Variants in INPP4B observed in about 807,000 individuals in gnomAD.
INPP4B encodes inositol polyphosphate-4-phosphatase type II B, also known as inositol polyphosphate 4-phosphatase type II.
In INPP4B, 55 loss-of-function variants were observed where a neutral mutation model predicts 122.5. That is an observed-to-expected ratio of 0.45 (90% CI 0.36 to 0.56). The LOEUF (loss-of-function observed/expected upper bound fraction) is 0.56, where lower values mean the gene tolerates loss of function less well. INPP4B is among the 20% of genes least tolerant of loss of function. The pLI, the probability that INPP4B is intolerant of heterozygous loss-of-function variation, is 0.00. For synonymous variants in INPP4B, 403 were observed against 388.7 expected, an observed-to-expected ratio of 1.04 and a Z score of -0.43; for missense variants, 1,000 against 1,097.7, an observed-to-expected ratio of 0.91 and a Z score of 1.26.
intron 1 of INPP4B, among the ~76,000 whole-genome samples, chr4:142,801,202 G>A (rs540668438): frequency 6.6e-5 from 10 of 152,176 alleles, no homozygotes; most frequent in Admixed American, 3.9e-4. Flanking sequence ...AGTAATCTAA[G>A]CAGGAGATGA....
chr4:142,463,808 C>T (rs1183936551), intron 2 of INPP4B, among the ~76,000 whole-genome samples: 1 of 152,156 alleles, frequency 6.6e-6, no homozygotes, highest in South Asian at 2.1e-4. Context: ...TGAAGAAGGA[C>T]ATGTTTGCTT....
intron 2 of INPP4B, among the ~76,000 whole-genome samples, chr4:142,576,420 A>G (rs181147704): frequency 1.3e-5 from 2 of 152,008 alleles, no homozygotes; most frequent in African/African-American, 2.4e-5. Context: ...GTCTTTCTAC[A>G]TTATGACCAA....
At chr4:142,584,714 C>T (rs1735797466) in intron 2 of INPP4B, among the ~76,000 whole-genome samples, 1 of 152,068 alleles carries the variant, frequency 6.6e-6, no homozygotes, top group Non-Finnish European at 1.5e-5. Context: ...TTTCTCTACT[C>T]TAAAGTTATC....
At chr4:142,596,401 G>A (rs540816915) in intron 2 of INPP4B, among the ~76,000 whole-genome samples, 4 of 152,196 alleles carry the variant, frequency 2.6e-5, no homozygotes, top group Non-Finnish European at 4.4e-5. Context: ...GACATATGAA[G>A]AAGCTCAGAA....
At chr4:142,451,217 GA>G (rs940764768) in intron 3 of INPP4B, among the ~76,000 whole-genome samples, 35 of 146,670 alleles carry the variant, frequency 2.4e-4, no homozygotes, top group African/African-American at 8.5e-4. Context: ...ATTGGTGTTT[GA>G]ACATAGTTTC....
chr4:142,740,677 G>A (rs1210776004), intron 1 of INPP4B, among the ~76,000 whole-genome samples: 1 of 151,742 alleles, frequency 6.6e-6, no homozygotes, highest in African/African-American at 2.4e-5. Flanking sequence ...AGCCCAAAAG[G>A]GTGGACAATA....
intron 2 of INPP4B, chr4:142,654,775 T>C (rs996585890): frequency 1.3e-5 from 2 of 152,180 alleles, no homozygotes; most frequent in African/African-American, 4.8e-5. Context: ...AGTAAATAAT[T>C]TTAAGGATAT....
chr4:142,040,588 C>CTTAG (rs372941021), intron 25 of INPP4B, among the ~76,000 whole-genome samples: 7 of 152,112 alleles, frequency 4.6e-5, no homozygotes, highest in African/African-American at 1.7e-4. Flanking sequence ...TCTGACATAT[C>CTTAG]TTAGTTAGTA....
intron 9 of INPP4B, among the ~76,000 whole-genome samples, chr4:142,277,425 T>C (rs184814514): frequency 7.8e-4 from 118 of 152,042 alleles, no homozygotes; most frequent in African/African-American, 2.7e-3. Flanking sequence ...AAGGGAACAC[T>C]TTCACACTGT....
chr4:142,229,619 T>C (rs1215051230), intron 12 of INPP4B, among the ~76,000 whole-genome samples: 1 of 152,120 alleles, frequency 6.6e-6, no homozygotes, highest in Non-Finnish European at 1.5e-5. Context: ...ACCAAGCAAC[T>C]CTCAAGTGCA....
At chr4:142,446,107 A>G (rs991697043) in intron 3 of INPP4B, among the ~76,000 whole-genome samples, 2 of 151,894 alleles carry the variant, frequency 1.3e-5, no homozygotes, top group African/African-American at 4.8e-5. Flanking sequence ...AACTAGAAAA[A>G]GGGCAAATTA....
intron 7 of INPP4B, among the ~76,000 whole-genome samples, chr4:142,328,101 A>C (rs947763302): frequency 2.0e-5 from 3 of 151,672 alleles, no homozygotes; most frequent in African/African-American, 7.2e-5. Flanking sequence ...ACTGTTTTGC[A>C]GTGTCTGTGG....
intron 17 of INPP4B, among the ~76,000 whole-genome samples, chr4:142,159,790 G>A (rs1170341560): frequency 2.0e-5 from 3 of 151,728 alleles, no homozygotes; most frequent in African/African-American, 7.3e-5. Context: ...TATTTCCTTT[G>A]TTTATTCATG....
At chr4:142,041,428 A>G (rs1359668419) in intron 25 of INPP4B, among the ~76,000 whole-genome samples, 1 of 151,626 alleles carries the variant, frequency 6.6e-6, no homozygotes, top group Non-Finnish European at 1.5e-5. Flanking sequence ...GACCAGCCTG[A>G]CCAACCTGGT....
intron 25 of INPP4B, among the ~76,000 whole-genome samples, chr4:142,043,974 T>C (rs1311476221): frequency 6.6e-6 from 1 of 151,908 alleles, no homozygotes; most frequent in African/African-American, 2.4e-5. Context: ...AGGCAAGAAA[T>C]AGTGAGAGCT....
chr4:142,259,082 T>C (rs1404167460), intron 11 of INPP4B, among the ~76,000 whole-genome samples: 4 of 151,818 alleles, frequency 2.6e-5, no homozygotes, highest in African/African-American at 9.7e-5. Context: ...GAAATCATCA[T>C]TCTCAGTAAA....
At chr4:142,154,441 C>T (rs1315709423) in intron 17 of INPP4B, among the ~76,000 whole-genome samples, 1 of 152,098 alleles carries the variant, frequency 6.6e-6, no homozygotes, top group African/African-American at 2.4e-5. Context: ...AATTTTACCA[C>T]TTTCTATATT....
chr4:142,623,897 C>T lies in INPP4B; in HGVS notation c.-191+101942G>A, dbSNP rs368129787. Among the ~76,000 whole-genome samples the T allele has an allele frequency of 2.6e-3, 397 of 152,122 alleles. 6 individuals are homozygous for T. The highest frequency in any genetic ancestry group is 0.018 in the East Asian group (93 of 5,168). ...TCCATGTCCCTACAAAGGACATGAACTCATCATTTTTTATGGCTGCATAGT... is the reference window on the plus strand; with the variant it reads ...TCCATGTCCCTACAAAGGACATGAATTCATCATTTTTTATGGCTGCATAGT... On this transcript the variant is annotated intron_variant, in intron 2 of 25. Coordinates refer to ENST00000262992, the MANE Select transcript of INPP4B (RefSeq NM_001101669.3).
chr4:142,214,060 T>C (rs1846023018), intron 12 of INPP4B, among the ~76,000 whole-genome samples: 1 of 152,204 alleles, frequency 6.6e-6, no homozygotes, highest in Non-Finnish European at 1.5e-5. Flanking sequence ...ATCACTCTTA[T>C]GTAACAATAC....
Sources: allele counts gnomAD v4.1 joint callset (sites outside exome capture counted in the v4.1 genomes callset), GRCh38; gene constraint gnomAD v4.1.1; transcripts MANE v1.5; gene names NCBI Gene and HGNC (gene_info 2026-07-23, HGNC 2026-07-21).